Variants in KCNIP4 observed in about 807,000 individuals in gnomAD.
KCNIP4 encodes the protein potassium voltage-gated channel interacting protein 4.
KCNIP4 carries 12 observed loss-of-function variants against 34.0 expected under a neutral mutation model. The observed-to-expected ratio is 0.35, with a 90% confidence interval of 0.23 to 0.57. KCNIP4 has a LOEUF of 0.57. KCNIP4 is among the 20% of genes least tolerant of loss of function. The pLI is 0.83. For synonymous variants in KCNIP4, 124 were observed against 102.2 expected, an observed-to-expected ratio of 1.21 and a Z score of -1.29; for missense variants, 238 against 311.7, an observed-to-expected ratio of 0.76 and a Z score of 1.78.
chr4:21,745,584 GTTATA>G (rs901745240), intron 1 of KCNIP4, among the ~76,000 whole-genome samples: 1 of 151,996 alleles, frequency 6.6e-6, no homozygotes, highest in African/African-American at 2.4e-5. Flanking sequence ...TTGGAAAATA[GTTATA>G]TTATACAGGT....
intron 5 of KCNIP4, among the ~76,000 whole-genome samples, chr4:20,746,017 C>T (rs1752340211): frequency 6.6e-6 from 1 of 152,122 alleles, no homozygotes; most frequent in South Asian, 2.1e-4. Context: ...CACAGCCATC[C>T]CATTACTGGG....
intron 1 of KCNIP4, among the ~76,000 whole-genome samples, chr4:21,142,148 CT>C (rs1217206403): frequency 5.1e-5 from 3 of 59,044 alleles, no homozygotes; most frequent in African/African-American, 1.7e-4. Context: ...GAGACACCGT[CT>C]CAAAAAAAAA....
intron 1 of KCNIP4, among the ~76,000 whole-genome samples, chr4:21,452,603 A>G (rs567036634): frequency 6.6e-6 from 1 of 152,076 alleles, no homozygotes; most frequent in Non-Finnish European, 1.5e-5. Context: ...AAATAAGCAC[A>G]TGGTAAATAT....
Position 21,365,391 on chromosome 4 carries a change from A to T in KCNIP4, c.62-482682T>A, listed in dbSNP as rs567540629. On this transcript the variant is annotated intron_variant, in intron 1 of 8. Transcript: ENST00000382152. ...TCCCAGCTACTCTGGAGGCTGAGACATGAGAATCCCTTGAACCTGAAGGGT... is the reference window on the plus strand; with the variant it reads ...TCCCAGCTACTCTGGAGGCTGAGACTTGAGAATCCCTTGAACCTGAAGGGT... 9.2e-5 allele frequency among the ~76,000 whole-genome samples: 14 copies of T among 151,958 alleles called. No individual in the cohort carries two copies. In the East Asian group the frequency reaches 1.7e-3, roughly 19 times the overall value.
At chr4:21,002,056 G>A (rs544863772) in intron 1 of KCNIP4, among the ~76,000 whole-genome samples, 55 of 152,286 alleles carry the variant, frequency 3.6e-4, no homozygotes, top group African/African-American at 1.3e-3. Context: ...GACTTAACAA[G>A]TCAACTTTGT....
intron 1 of KCNIP4, among the ~76,000 whole-genome samples, chr4:21,331,484 C>CA (rs765456586): frequency 1.3e-5 from 2 of 152,056 alleles, no homozygotes; most frequent in Non-Finnish European, 2.9e-5. Context: ...AATCTATGCA[C>CA]AAGGAGTCAT....
intron 1 of KCNIP4, among the ~76,000 whole-genome samples, chr4:21,510,867 T>C (rs1242861984): frequency 6.3e-5 from 5 of 79,042 alleles, no homozygotes; most frequent in African/African-American, 1.9e-4. Flanking sequence ...AAATACAAAA[T>C]AAAAATTAAA....
intron 1 of KCNIP4, among the ~76,000 whole-genome samples, chr4:21,529,806 A>G (rs191477837): frequency 1.3e-5 from 2 of 152,308 alleles, no homozygotes; most frequent in East Asian, 3.9e-4. Flanking sequence ...TGCTTTGTGA[A>G]TCTGAGGCTA....
intron 3 of KCNIP4, among the ~76,000 whole-genome samples, chr4:20,819,278 C>G (rs904470909): frequency 6.6e-6 from 1 of 152,108 alleles, no homozygotes; most frequent in African/African-American, 2.4e-5. Flanking sequence ...AACTAGCACA[C>G]AAACTATATT....
At chr4:21,630,014 C>T (rs1745623682) in intron 1 of KCNIP4, among the ~76,000 whole-genome samples, 1 of 100,210 alleles carries the variant, frequency 1.0e-5, no homozygotes, top group Non-Finnish European at 1.9e-5. Flanking sequence ...CCACAGCTGG[C>T]TAATTTTTTT....
intron 1 of KCNIP4, among the ~76,000 whole-genome samples, chr4:21,749,131 C>T (rs1716976672): frequency 6.6e-6 from 1 of 152,080 alleles, no homozygotes; most frequent in Non-Finnish European, 1.5e-5. Context: ...AGCATTATTT[C>T]TAAGAATTGA....
chr4:21,214,066 A>G (rs1338157092), intron 1 of KCNIP4, among the ~76,000 whole-genome samples: 1 of 152,216 alleles, frequency 6.6e-6, no homozygotes, highest in Admixed American at 6.5e-5. Context: ...CTTATGTAAA[A>G]TGGGACTACT....
At chr4:21,398,703 T>C (rs917787377) in intron 1 of KCNIP4, among the ~76,000 whole-genome samples, 3 of 152,208 alleles carry the variant, frequency 2.0e-5, no homozygotes, top group African/African-American at 4.8e-5. Flanking sequence ...TGGACCATAC[T>C]TCTAGCACCA....
chr4:21,323,553 A>G (rs975213899), intron 1 of KCNIP4, among the ~76,000 whole-genome samples: 1 of 152,002 alleles, frequency 6.6e-6, no homozygotes, highest in South Asian at 2.1e-4. Context: ...ACTTAACATA[A>G]TTACCTCCAG....
At chr4:21,341,173 G>A (rs1041923775) in intron 1 of KCNIP4, among the ~76,000 whole-genome samples, 1 of 152,054 alleles carries the variant, frequency 6.6e-6, no homozygotes, top group African/African-American at 2.4e-5. Flanking sequence ...GAAGAGGGAG[G>A]GAAGGATTTT....
At chr4:21,267,561 G>C (rs370674770) in intron 1 of KCNIP4, among the ~76,000 whole-genome samples, 22 of 149,208 alleles carry the variant, frequency 1.5e-4, no homozygotes, top group South Asian at 6.6e-4. Context: ...AGCATGAAGC[G>C]TTGTTGAATT....
chr4:20,772,887 G>T (rs1756037057), intron 3 of KCNIP4, among the ~76,000 whole-genome samples: 1 of 152,014 alleles, frequency 6.6e-6, no homozygotes, highest in African/African-American at 2.4e-5. Context: ...GTCCACTTCA[G>T]CCTCTCAAAG....
chr4:20,733,626 G>A (rs1167194257), intron 6 of KCNIP4, among the ~76,000 whole-genome samples: 5 of 152,200 alleles, frequency 3.3e-5, no homozygotes, highest in Admixed American at 1.3e-4. Context: ...TTCTTGAGAT[G>A]TGTTAAACAC....
chr4:21,924,592 G>T (rs1729128931), intron 1 of KCNIP4, among the ~76,000 whole-genome samples: 1 of 151,986 alleles, frequency 6.6e-6, no homozygotes, highest in African/African-American at 2.4e-5. Context: ...TTAGGCTTCT[G>T]GATTAACAAC....
Sources: allele counts gnomAD v4.1 joint callset (sites outside exome capture counted in the v4.1 genomes callset), GRCh38; gene constraint gnomAD v4.1.1; transcripts MANE v1.5; gene names NCBI Gene and HGNC (gene_info 2026-07-23, HGNC 2026-07-21).